Variants in USP25 observed in about 807,000 individuals in gnomAD.
USP25 encodes ubiquitin specific peptidase 25.
Under a neutral mutation model 158.5 loss-of-function variants are expected in USP25, and 85 were observed. That is an observed-to-expected ratio of 0.54 (90% CI 0.45 to 0.64). The LOEUF (loss-of-function observed/expected upper bound fraction) is 0.64. Ranked by LOEUF, USP25 falls within the 30% of genes least tolerant of loss-of-function variation. The pLI is 0.00. For synonymous variants in USP25, 464 were observed against 460.4 expected (o/e 1.01, Z -0.10); for missense variants, 1,242 against 1,327.3 (o/e 0.94, Z 1.00).
In USP25 at chr21:15,864,287, C is replaced by G. The variant is rs769466191; in HGVS notation, c.2567C>G (p.Ala856Gly). The change falls in exon 21 of 26, where the codon GCA becomes GGA. Residue 856 changes from alanine (A) to glycine (G), a missense_variant. Transcript: ENST00000400183. ...TTCCAGGCAATTAAGTTGGAATATG[C>G]AAGGTTGGTTAAGTTGGCCCAAGAA... ...GFFKAIKLEY[A>G]RLVKLAQEDT... The G allele has an allele frequency of 4.4e-6, 7 of 1,605,942 alleles. No individual in the cohort carries two copies. In the Admixed American group the frequency reaches 1.2e-4, roughly 28 times the overall value.
intron 23 of USP25, among the ~76,000 whole-genome samples, chr21:15,873,365 G>A (rs1284308333): frequency 7.3e-5 from 11 of 151,650 alleles, no homozygotes; most frequent in African/African-American, 2.7e-4. Flanking sequence ...AGCTGATCCT[G>A]TCACCACCAC....
At chr21:15,854,021 A>G (rs527944493) in intron 20 of USP25, among the ~76,000 whole-genome samples, 19 of 152,188 alleles carry the variant, frequency 1.2e-4, no homozygotes, top group Non-Finnish European at 2.2e-4. Context: ...TACACACCAT[A>G]GAATCTAACA....
Position 15,816,885 on chromosome 21 carries a change from A to G in USP25, c.932-1813A>G, listed in dbSNP as rs2036964707. Among the ~76,000 whole-genome samples, 1 of 152,026 alleles carries G rather than the reference A, an allele frequency of 6.6e-6. No individual in the cohort carries two copies. Among genetic ancestry groups the G allele is most frequent in the Non-Finnish European group, 1.5e-5 (1 of 68,008 alleles). On this transcript the variant is annotated intron_variant, in intron 9 of 25. Transcript: ENST00000400183. The surrounding 1 kb of genome is among the most constrained non-coding windows in gnomAD (Gnocchi z 4.0). Reference sequence around the variant, plus strand: ...GATGGTTCATGCCTGTAATCCCAGCACTTTGGGAGGCTGAGGCAGGTGGAT... The same window carrying G: ...GATGGTTCATGCCTGTAATCCCAGCGCTTTGGGAGGCTGAGGCAGGTGGAT...
At chr21:15,796,725 G>A (rs2035879173) in intron 5 of USP25, among the ~76,000 whole-genome samples, 1 of 151,340 alleles carries the variant, frequency 6.6e-6, no homozygotes, top group Non-Finnish European at 1.5e-5. Context: ...CAGAGCAAAT[G>A]TAAATTCTCT....
At chr21:15,776,247 T>A (rs1338435428) in intron 3 of USP25, among the ~76,000 whole-genome samples, 2 of 152,192 alleles carry the variant, frequency 1.3e-5, no homozygotes, top group Non-Finnish European at 2.9e-5. Flanking sequence ...ATTACTATGC[T>A]ATATAAATCT....
At chr21:15,840,120 A>G (rs2038258070) in intron 17 of USP25, among the ~76,000 whole-genome samples, 1 of 152,154 alleles carries the variant, frequency 6.6e-6, no homozygotes, top group African/African-American at 2.4e-5. Flanking sequence ...ATCAGACCTT[A>G]CAATGTGCTA....
intron 3 of USP25, among the ~76,000 whole-genome samples, chr21:15,774,373 A>G (rs1600867219): frequency 6.6e-6 from 1 of 152,346 alleles, no homozygotes; most frequent in Non-Finnish European, 1.5e-5. Context: ...AGTATTGAGA[A>G]GATATCAAGC....
chr21:15,870,289 A>C (rs983482126), intron 23 of USP25, 142 bp downstream of exon 23: 4 of 580,108 alleles, frequency 6.9e-6, no homozygotes, highest in Non-Finnish European at 1.2e-5. Flanking sequence ...TTAAATTTAC[A>C]GAAAAATTAC....
chr21:15,806,118 T>C (rs1362910809), intron 7 of USP25, among the ~76,000 whole-genome samples: 3 of 152,204 alleles, frequency 2.0e-5, no homozygotes, highest in Non-Finnish European at 4.4e-5. Flanking sequence ...TAAAAAAAAT[T>C]CTAACAATGC....
intron 17 of USP25, among the ~76,000 whole-genome samples, chr21:15,834,088 T>A (rs1166778571): frequency 6.6e-6 from 1 of 152,164 alleles, no homozygotes; most frequent in African/African-American, 2.4e-5. Context: ...ATTTAGTATA[T>A]CACAGGTAAA....
intron 20 of USP25, 24 bp downstream of exon 20, chr21:15,849,896 G>T: frequency 5.6e-6 from 8 of 1,435,492 alleles, no homozygotes; most frequent in South Asian, 1.4e-5. Flanking sequence ...TTTCATTTTC[G>T]TGTCTTTTCT....
chr21:15,874,776 T>C (rs1249968073), intron 24 of USP25, among the ~76,000 whole-genome samples: 1 of 152,196 alleles, frequency 6.6e-6, no homozygotes, highest in African/African-American at 2.4e-5. Flanking sequence ...TGTTTACATT[T>C]CTGTATTTAG....
chr21:15,864,355 G>C lies in USP25; in HGVS notation c.2635G>C (p.Val879Leu), dbSNP rs142929561. 1.2e-3 allele frequency: 1,918 copies of C among 1,613,552 alleles called. No individual in the cohort carries two copies. The highest frequency in any genetic ancestry group is 1.5e-3 in the Non-Finnish European group (1,775 of 1,179,860). Residue 879 changes from valine (V) to leucine (L), a missense_variant, in exon 21 of 26, where the codon GTC becomes CTC. By Grantham distance (32) the Val-to-Leu change is conservative. Around this residue, in one of 3 missense-constraint regions of USP25, gnomAD observed 608 missense variants for 605.2 expected, o/e 1.00. Transcript: ENST00000400183. ...ETDYRLHHVVVYFIQNQAPKK... is the reference protein window; with the variant it reads ...ETDYRLHHVVLYFIQNQAPKK... ...CGATTATCGTTTACATCATGTAGTG[G>C]TCTACTTTATCCAGAACCAGGCACC...
In USP25 at chr21:15,790,102, A is replaced by G. The variant is rs185416852; in HGVS notation, c.393-1400A>G. Among the ~76,000 whole-genome samples the G allele has an allele frequency of 2.3e-3, 343 of 152,072 alleles. 3 individuals are homozygous for G. The highest frequency in any genetic ancestry group is 7.8e-3 in the African/African-American group (322 of 41,528). ...TCTTGAAAACTTGCTTTCTGGTAAC[A>G]GTAGAATGTTCTAGATATTCTTTGG... On this transcript the variant is annotated intron_variant, in intron 4 of 25. Coordinates refer to ENST00000400183, the MANE Select transcript of USP25 (RefSeq NM_001283041.3).
chr21:15,826,439 C>T lies in USP25; in HGVS notation c.1466+74C>T. ...ATAATGTAACTGCTGCCTTTAAAGA[C>T]AGTTTCTATAAAATGTATGCTTTGA... On this transcript the variant is annotated intron_variant, in intron 13 of 25. Coordinates refer to ENST00000400183, the MANE Select transcript of USP25 (RefSeq NM_001283041.3). The surrounding 1 kb of genome is among the most constrained non-coding windows in gnomAD (Gnocchi z 4.8). 5 of 1,525,444 alleles carry T rather than the reference C, an allele frequency of 3.3e-6. No individual in the cohort carries two copies. Among genetic ancestry groups the T allele is most frequent in the Non-Finnish European group, 4.5e-6 (5 of 1,114,244 alleles). The allele number at this position is 1,525,444 out of a possible 1,614,324, so 94.5% of individuals were successfully genotyped here. A position where few individuals can be genotyped will look rare whatever the true frequency, so the allele number is the denominator to read the frequency against.
chr21:15,863,912 C>G (rs1020294576), intron 20 of USP25, among the ~76,000 whole-genome samples: 2 of 152,002 alleles, frequency 1.3e-5, no homozygotes, highest in Non-Finnish European at 2.9e-5. Context: ...TGGTGGGCGC[C>G]TGTAATCCCA....
rs1220809421 is a variant in USP25, at chr21:15,766,204, A to T, written c.268+63A>T. ...CATACTGAAAAACTTTTCTTGGTGT[A>T]ATATATTAATGTTGCTTAAGGAGAG... is the stretch of plus-strand genomic sequence containing the variant. On this transcript the variant is annotated intron_variant, in intron 3 of 25. Transcript: ENST00000400183. This position sits in a 1 kb window ranked among gnomAD's most constrained non-coding sequence, Gnocchi z 4.0. The T allele has an allele frequency of 3.4e-6, 5 of 1,489,012 alleles. No homozygotes were observed. Among genetic ancestry groups the T allele is most frequent in the Non-Finnish European group, 4.5e-6 (5 of 1,122,246 alleles). The allele number at this position is 1,489,012 out of a possible 1,614,324, so 92.2% of individuals were successfully genotyped here. A position where few individuals can be genotyped will look rare whatever the true frequency, so the allele number is the denominator to read the frequency against.
chr21:15,749,253 C>T (rs771515523), intron 1 of USP25, among the ~76,000 whole-genome samples: 2 of 152,098 alleles, frequency 1.3e-5, no homozygotes, highest in Non-Finnish European at 2.9e-5. Flanking sequence ...TACTATGCAG[C>T]GTGATAACTG....
At chr21:15,784,036 C>T (rs1312014824) in intron 4 of USP25, among the ~76,000 whole-genome samples, 1 of 152,072 alleles carries the variant, frequency 6.6e-6, no homozygotes, top group Non-Finnish European at 1.5e-5. Flanking sequence ...TGGAATTCAT[C>T]ACCACTGGAC....
Sources: allele counts gnomAD v4.1 joint callset (sites outside exome capture counted in the v4.1 genomes callset), GRCh38; gene constraint gnomAD v4.1.1; regional missense constraint gnomAD v4.1.1; non-coding constraint Gnocchi (gnomAD v3.1); transcripts MANE v1.5; gene names NCBI Gene and HGNC (gene_info 2026-07-23, HGNC 2026-07-21).